The following CTXND1 variants were observed in gnomAD, a reference collection of about 807,000 sequenced individuals.
CTXND1 encodes the protein cortexin domain containing 1, also known as cortexin domain-containing 1 protein.
rs561565309 is a variant in CTXND1 at position 80,233,340 on chromosome 15, T to C, written c.-218+18667A>G. On this transcript the variant is annotated intron_variant, in intron 1 of 2. Transcript: ENST00000560778. ...TCTGGGAAGAGTAAATGAGAATATATTTCTAAAGTGCTTAGCATAGTTACT... is the reference window on the plus strand; with the variant it reads ...TCTGGGAAGAGTAAATGAGAATATACTTCTAAAGTGCTTAGCATAGTTACT... Among the ~76,000 whole-genome samples, 8 of 152,296 alleles carry C rather than the reference T, an allele frequency of 5.3e-5. No individual in the cohort carries two copies. The South Asian group carries it at 1.7e-3, about 32-fold the overall frequency.
At chr15:80,204,271 T>C (rs978921557) in intron 1 of CTXND1, among the ~76,000 whole-genome samples, 1 of 140,574 alleles carries the variant, frequency 7.1e-6, no homozygotes, top group Non-Finnish European at 1.5e-5. Flanking sequence ...CACATACACA[T>C]AATATAAAAT....
chr15:80,244,331 T>C (rs1244171750), intron 1 of CTXND1, among the ~76,000 whole-genome samples: 2 of 152,216 alleles, frequency 1.3e-5, no homozygotes, highest in Non-Finnish European at 2.9e-5. Flanking sequence ...TCAAAGGATG[T>C]ATCAAAGTCA....
intron 2 of CTXND1, among the ~76,000 whole-genome samples, 194 bp from the exon 3 acceptor site, chr15:80,202,208 TA>T (rs11320838): frequency 0.68 from 102,803 of 151,490 alleles, 35,336 homozygotes; most frequent in East Asian, 0.86. Context: ...ACCTTGTAGG[TA>T]AACCAGAGTC....
Position 80,201,340 on chromosome 15 carries a change from TG to T in CTXND1, c.*429del, listed in dbSNP as rs2142120066. 1 of 153,938 alleles carries T rather than the reference TG, an allele frequency of 6.5e-6. No individual in the cohort carries two copies. The highest frequency in any genetic ancestry group is 2.4e-5 in the African/African-American group (1 of 41,618). 9.5% of individuals were successfully genotyped at this position (153,938 alleles called of 1,614,324 possible). On this transcript the variant is annotated 3_prime_UTR_variant, in exon 3 of 3. Coordinates refer to ENST00000560778, the MANE Select transcript of CTXND1 (RefSeq NM_001352888.2). ...GGGCTGGGGTTCAGGTGGGACCTCT[TG>T]GTTGGGAGCCTCCATTGCTACTTTG...
intron 1 of CTXND1, among the ~76,000 whole-genome samples, chr15:80,205,943 C>T (rs562651753): frequency 8.6e-5 from 13 of 151,794 alleles, no homozygotes; most frequent in African/African-American, 1.2e-4. Context: ...TCAAGTTATC[C>T]TTTATTTTTG....
chr15:80,203,531 A>G (rs1356999697), intron 2 of CTXND1, 58 bp downstream of exon 2: 1 of 151,632 alleles, frequency 6.6e-6, no homozygotes, highest in East Asian at 2.0e-4. Flanking sequence ...ACAGTCAACC[A>G]CGCCTTCCCC....
At chr15:80,238,486 G>GGTTTT (rs1567134580) in intron 1 of CTXND1, among the ~76,000 whole-genome samples, 1 of 133,630 alleles carries the variant, frequency 7.5e-6, no homozygotes. Flanking sequence ...AACCATGTTT[G>GGTTTT]TTTTTTTTTT....
At chr15:80,244,232 C>T (rs1305514046) in intron 1 of CTXND1, among the ~76,000 whole-genome samples, 1 of 152,226 alleles carries the variant, frequency 6.6e-6, no homozygotes, top group East Asian at 1.9e-4. Context: ...CTTCTTTCCT[C>T]TGAGCCTAGC....
At chr15:80,239,916 C>G (rs936761295) in intron 1 of CTXND1, among the ~76,000 whole-genome samples, 1 of 152,170 alleles carries the variant, frequency 6.6e-6, no homozygotes, top group Non-Finnish European at 1.5e-5. Context: ...ATTTTCTCAT[C>G]CCAAATATTC....
At chr15:80,207,918 G>T (rs1893167327) in intron 1 of CTXND1, among the ~76,000 whole-genome samples, 1 of 152,184 alleles carries the variant, frequency 6.6e-6, no homozygotes, top group South Asian at 2.1e-4. Flanking sequence ...CTCCTTAGTG[G>T]CTTGAGATAG....
chr15:80,240,122 C>T (rs139761501), intron 1 of CTXND1, among the ~76,000 whole-genome samples: 4 of 152,248 alleles, frequency 2.6e-5, no homozygotes, highest in East Asian at 3.9e-4. Flanking sequence ...TGCACCAACA[C>T]GCTCGGCTAA....
intron 1 of CTXND1, among the ~76,000 whole-genome samples, chr15:80,214,300 G>GATATTCAAAATTTGAATAATACAATT (rs1437512769): frequency 6.6e-6 from 1 of 151,834 alleles, no homozygotes; most frequent in African/African-American, 2.4e-5. Context: ...AACATTTAAA[G>GATATTCAAAATTTGAATAATACAATT]ATATTCAAAA....
intron 1 of CTXND1, among the ~76,000 whole-genome samples, chr15:80,240,642 A>G (rs1893554922): frequency 6.6e-6 from 1 of 152,204 alleles, no homozygotes; most frequent in Non-Finnish European, 1.5e-5. Context: ...GTTAAAAGGA[A>G]CAGGATTTTG....
At chr15:80,213,364 A>G (rs1893220605) in intron 1 of CTXND1, among the ~76,000 whole-genome samples, 1 of 152,178 alleles carries the variant, frequency 6.6e-6, no homozygotes, top group Admixed American at 6.5e-5. Flanking sequence ...TCACCATATA[A>G]TCCTTGGAAC....
chr15:80,207,926 T>G (rs1321294251), intron 1 of CTXND1, among the ~76,000 whole-genome samples: 2 of 152,236 alleles, frequency 1.3e-5, no homozygotes, highest in Non-Finnish European at 2.9e-5. Context: ...TGGCTTGAGA[T>G]AGCTGAAAAC....
intron 1 of CTXND1, among the ~76,000 whole-genome samples, chr15:80,224,844 A>G (rs1893355969): frequency 6.6e-6 from 1 of 152,176 alleles, no homozygotes; most frequent in South Asian, 2.1e-4. Flanking sequence ...CCTGGATTCA[A>G]GCGATTCTCC....
intron 1 of CTXND1, among the ~76,000 whole-genome samples, chr15:80,225,024 G>A (rs200031262): frequency 6.6e-6 from 1 of 152,238 alleles, no homozygotes; most frequent in Admixed American, 6.5e-5. Flanking sequence ...GATTACCGGC[G>A]TGAACACCAT....
intron 1 of CTXND1, among the ~76,000 whole-genome samples, chr15:80,219,355 G>A (rs913200095): frequency 2.0e-5 from 3 of 152,096 alleles, no homozygotes; most frequent in African/African-American, 4.8e-5. Context: ...GCCAATACAT[G>A]TAACTTTGTT....
Position 80,250,333 on chromosome 15 carries a change from GT to G in CTXND1, c.-218+1673del, listed in dbSNP as rs769065181. Among the ~76,000 whole-genome samples the G allele has an allele frequency of 5.2e-3, 769 of 147,140 alleles. 12 individuals carry two copies. Among genetic ancestry groups the G allele is most frequent in the Non-Finnish European group, 7.0e-3 (464 of 66,432 alleles). Reference sequence around the variant, plus strand: ...AGCAATTGAACTTCTAGTTGAGCTAGTTTTTTTTTTTCAGGCCAATTAAAGT... The same window carrying G: ...AGCAATTGAACTTCTAGTTGAGCTAGTTTTTTTTTTCAGGCCAATTAAAGT... On this transcript the variant is annotated intron_variant, in intron 1 of 2. Transcript: ENST00000560778.
Sources: allele counts gnomAD v4.1 joint callset (sites outside exome capture counted in the v4.1 genomes callset), GRCh38; gene constraint gnomAD v4.1.1; transcripts MANE v1.5; gene names NCBI Gene and HGNC (gene_info 2026-07-23, HGNC 2026-07-21).